Variants in KDM6A observed in about 807,000 individuals in gnomAD.
The protein encoded by KDM6A is lysine demethylase 6A.
In KDM6A, 11 loss-of-function variants were observed where a neutral mutation model predicts 117.6. The ratio of observed to expected loss-of-function variants is 0.09; its 90% CI spans 0.06 to 0.15. KDM6A has a LOEUF of 0.15. KDM6A is among the 10% of genes least tolerant of loss of function. The probability of loss-of-function intolerance (pLI) is 1.00; values close to 1 mark genes in which losing one functional copy is unlikely to be tolerated. For missense variants in KDM6A, 799 were observed against 1,077.3 expected, an observed-to-expected ratio of 0.74 and a Z score of 3.62; for synonymous variants, 384 against 396.1, an observed-to-expected ratio of 0.97 and a Z score of 0.36.
chrX:45,015,114 T>C (rs1036788495), intron 5 of KDM6A, among the ~76,000 whole-genome samples: 14 of 110,083 alleles, frequency 1.3e-4, no homozygotes, highest in Non-Finnish European at 2.7e-4. Context: ...CTTTTCTTTT[T>C]TTTCTGAGAC....
At chrX:44,891,452 T>A (rs1198149577) in intron 2 of KDM6A, among the ~76,000 whole-genome samples, 1 of 111,270 alleles carries the variant, frequency 9.0e-6, no homozygotes, top group African/African-American at 3.3e-5. Flanking sequence ...TTTGTAGGGG[T>A]TTATTTCTGG....
At position 45,053,845 on chromosome X, in the gene KDM6A, T is replaced by G. The variant is rs2043959448; in HGVS notation, c.765T>G (p.Thr255=). The part of the protein sequence containing the change: ...VLQQLGWMHH[T]VDLLGDKATK... ...TTACTGTAGGTTGGATGCATCACAC[T>G]GTAGATCTCCTGGGAGATAAAGCCA... is the stretch of plus-strand genomic sequence containing the variant. The change falls in exon 10 of 30, where the codon ACT becomes ACG. Residue 255 remains threonine, a synonymous_variant. Coordinates refer to ENST00000611820, the MANE Select transcript of KDM6A (RefSeq NM_001291415.2). The G allele has an allele frequency of 8.4e-7, 1 of 1,196,123 alleles. No individual in the cohort carries two copies. The highest frequency in any genetic ancestry group is 1.8e-5 in the South Asian group (1 of 56,617).
At chrX:44,997,346 G>A (rs932357550) in intron 4 of KDM6A, among the ~76,000 whole-genome samples, 4 of 111,936 alleles carry the variant, frequency 3.6e-5, no homozygotes, top group Non-Finnish European at 5.7e-5. Flanking sequence ...GCTCTCCTCC[G>A]ACTGCGCTGG....
intron 18 of KDM6A, among the ~76,000 whole-genome samples, chrX:45,073,812 C>T (rs751858609): frequency 3.6e-4 from 40 of 111,636 alleles, no homozygotes; most frequent in Non-Finnish European, 6.6e-4. Context: ...AGTTTTCTCC[C>T]GTTCTGTAGG....
At chrX:45,051,611 A>G (rs2043854713) in intron 8 of KDM6A, 98 bp from the exon 9 acceptor site, 1 of 490,923 alleles carries the variant, frequency 2.0e-6, no homozygotes, top group African/African-American at 2.4e-5. Context: ...GTTTTAAAAA[A>G]TATGCTAAAA....
intron 2 of KDM6A, among the ~76,000 whole-genome samples, chrX:44,894,265 G>C (rs997123542): frequency 2.7e-5 from 3 of 111,804 alleles, no homozygotes; most frequent in Non-Finnish European, 3.8e-5. Flanking sequence ...TTCTGGATGA[G>C]AATGTGTAAA....
intron 7 of KDM6A, among the ~76,000 whole-genome samples, chrX:45,035,343 C>T (rs1208323255): frequency 8.9e-6 from 1 of 111,886 alleles, no homozygotes; most frequent in Non-Finnish European, 1.9e-5. Context: ...TATCTGATAG[C>T]TTACTGATTC....
intron 6 of KDM6A, among the ~76,000 whole-genome samples, chrX:45,034,145 C>T (rs915539279): frequency 1.8e-5 from 2 of 110,895 alleles, no homozygotes; most frequent in South Asian, 7.6e-4. Context: ...AGATTTTATA[C>T]CAACTCTATT....
At chrX:44,916,297 C>G (rs1044564841) in intron 2 of KDM6A, among the ~76,000 whole-genome samples, 7 of 110,225 alleles carry the variant, frequency 6.4e-5, no homozygotes, top group Non-Finnish European at 9.4e-5. Context: ...ACCAAGCAGG[C>G]TAGAAATAGT....
At chrX:44,993,201 T>TA (rs1487561996) in intron 4 of KDM6A, among the ~76,000 whole-genome samples, 1 of 111,415 alleles carries the variant, frequency 9.0e-6, no homozygotes, top group East Asian at 2.8e-4. Flanking sequence ...CAGTAGTTGA[T>TA]ATTGTGTGGA....
At chrX:45,051,318 T>G (rs1383540838) in intron 8 of KDM6A, among the ~76,000 whole-genome samples, 2 of 111,973 alleles carry the variant, frequency 1.8e-5, no homozygotes, top group African/African-American at 6.5e-5. Context: ...TGACATGTGC[T>G]CTATTTATTG....
chrX:45,051,706 T>C lies in KDM6A; in HGVS notation c.655-3T>C, dbSNP rs1024351607. 2.7e-6 allele frequency: 3 copies of C among 1,109,427 alleles called. No individual in the cohort carries two copies. In the African/African-American group the frequency reaches 5.4e-5, roughly 20 times the overall value. 91.4% of individuals were successfully genotyped at this position (1,109,427 alleles called of 1,213,427 possible). On this transcript the variant is annotated splice_region_variant and splice_polypyrimidine_tract_variant and intron_variant, in intron 8 of 29. Coordinates refer to ENST00000611820, the MANE Select transcript of KDM6A (RefSeq NM_001291415.2). ...TCTCCAAATCTCTTTTTCTGTTCTT[T>C]AGAGGAAATATCATTCTGCAAAAGA...
chrX:45,000,762 C>T (rs1379741299), intron 4 of KDM6A, among the ~76,000 whole-genome samples: 2 of 112,507 alleles, frequency 1.8e-5, no homozygotes, highest in African/African-American at 3.2e-5. Context: ...GGGGCTGACC[C>T]GCAGGGTGCC....
intron 3 of KDM6A, among the ~76,000 whole-genome samples, chrX:44,973,942 A>G (rs1192744676): frequency 2.7e-5 from 3 of 110,890 alleles, no homozygotes; most frequent in African/African-American, 9.8e-5. Flanking sequence ...TCCCTTACCT[A>G]AGACTAGTAA....
chrX:45,090,871 C>A lies in KDM6A; in HGVS notation c.4034+7C>A. ...AGCTTTTTGAAATGATTAAGTAAGTCTTTTCTAAAACTGCTGTAGTCCCTC... is the reference window on the plus strand; with the variant it reads ...AGCTTTTTGAAATGATTAAGTAAGTATTTTCTAAAACTGCTGTAGTCCCTC... On this transcript the variant is annotated splice_region_variant and intron_variant, in intron 27 of 29. Transcript: ENST00000611820. 2.5e-6 allele frequency: 3 copies of A among 1,207,764 alleles called. No homozygotes were observed. The highest frequency in any genetic ancestry group is 3.5e-5 in the South Asian group (2 of 56,908).
intron 2 of KDM6A, among the ~76,000 whole-genome samples, chrX:44,893,658 C>A (rs926871840): frequency 9.2e-6 from 1 of 109,263 alleles, no homozygotes; most frequent in African/African-American, 3.3e-5. Flanking sequence ...TACAGGTGCC[C>A]GCCACCATGC....
chrX:44,923,693 C>T (rs755416457), intron 2 of KDM6A, among the ~76,000 whole-genome samples: 6 of 108,423 alleles, frequency 5.5e-5, no homozygotes, highest in African/African-American at 1.7e-4. Flanking sequence ...TACAGGCATG[C>T]GCCATCATGC....
intron 8 of KDM6A, among the ~76,000 whole-genome samples, chrX:45,042,940 A>G (rs1011407188): frequency 1.8e-5 from 2 of 112,996 alleles, no homozygotes; most frequent in African/African-American, 6.4e-5. Flanking sequence ...ATGGTGTTAA[A>G]GAAATGTTAG....
chrX:44,933,491 TC>T (rs1408851733), intron 2 of KDM6A, among the ~76,000 whole-genome samples: 1 of 109,294 alleles, frequency 9.1e-6, no homozygotes, highest in Non-Finnish European at 1.9e-5. Flanking sequence ...GCCAGGCTGG[TC>T]TTGAACTCCT....
Sources: allele counts gnomAD v4.1 joint callset (sites outside exome capture counted in the v4.1 genomes callset), GRCh38; gene constraint gnomAD v4.1.1; transcripts MANE v1.5; gene names NCBI Gene and HGNC (gene_info 2026-07-23, HGNC 2026-07-21).